The following MRPS18B variants were observed in gnomAD, a reference collection of about 807,000 sequenced individuals.
The protein encoded by MRPS18B is small ribosomal subunit protein mS40.
MRPS18B carries 27 observed loss-of-function variants against 28.4 expected under a neutral mutation model. The ratio of observed to expected loss-of-function variants is 0.95; its 90% confidence interval spans 0.70 to 1.31. The LOEUF (loss-of-function observed/expected upper bound fraction) is 1.31. Ranked by LOEUF, MRPS18B falls within the 40% of genes most tolerant of loss-of-function variation. The probability of loss-of-function intolerance (pLI) is 0.00; values close to 1 mark genes in which losing one functional copy is unlikely to be tolerated. For missense variants in MRPS18B, 343 were observed against 335.9 expected (o/e 1.02, Z -0.17); for synonymous variants, 118 against 123.7 (o/e 0.95, Z 0.30).
chr6:30,622,993 C>A, intron 5 of MRPS18B, 95 bp downstream of exon 5: 1 of 1,249,542 alleles, frequency 8.0e-7, no homozygotes, highest in Non-Finnish European at 1.2e-6. Flanking sequence ...GTGGCTCCTG[C>A]TTATAGCCTA....
In MRPS18B at chr6:30,625,916, C is replaced by A; in HGVS notation, c.*119C>A. 1 of 1,123,102 alleles carries A rather than the reference C, an allele frequency of 8.9e-7. No individual in the cohort carries two copies. Among genetic ancestry groups the A allele is most frequent in the Non-Finnish European group, 1.3e-6 (1 of 790,232 alleles). The allele number at this position is 1,123,102 out of a possible 1,614,324, so 69.6% of individuals were successfully genotyped here. A position where few individuals can be genotyped will look rare whatever the true frequency, so the allele number is the denominator to read the frequency against. Reference sequence around the variant, plus strand: ...AGGAGTTTGAGACCAGCCTGGGCACCATGGTGAAACCTCGTCTTTACCAAA... The same window carrying A: ...AGGAGTTTGAGACCAGCCTGGGCACAATGGTGAAACCTCGTCTTTACCAAA... On this transcript the variant is annotated 3_prime_UTR_variant, in exon 7 of 7. Coordinates refer to ENST00000259873, the MANE Select transcript of MRPS18B (RefSeq NM_014046.4).
chr6:30,623,514 T>C (rs1294439838), intron 5 of MRPS18B, among the ~76,000 whole-genome samples: 1 of 152,210 alleles, frequency 6.6e-6, no homozygotes, highest in Non-Finnish European at 1.5e-5. Context: ...GATTAGATTT[T>C]CCAAACTTGG....
At position 30,624,951 on chromosome 6, in the gene MRPS18B, G is replaced by C. The variant is rs926472133; in HGVS notation, c.481+9G>C. The C allele has an allele frequency of 3.1e-6, 5 of 1,612,998 alleles. No homozygotes were observed. The highest frequency in any genetic ancestry group is 4.2e-6 in the Non-Finnish European group (5 of 1,179,928). ...GAAAGCCAGGGATCATGGTGAGCAT[G>C]AGACGGGGCACACAGCAGTTTTGTT... On this transcript the variant is annotated intron_variant, in intron 6 of 6. Transcript: ENST00000259873.
At chr6:30,625,352 T>G (rs1042292776) in intron 6 of MRPS18B, 150 bp from the exon 7 acceptor site, 1 of 814,968 alleles carries the variant, frequency 1.2e-6, no homozygotes, top group Admixed American at 2.4e-5. Flanking sequence ...ACACTTGCCC[T>G]CTGGGCCGGT....
chr6:30,618,542 A>C (rs778961119), intron 1 of MRPS18B: 1 of 152,876 alleles, frequency 6.5e-6, no homozygotes, highest in Non-Finnish European at 1.5e-5. Flanking sequence ...GTTTCCCTCC[A>C]GTCTTGTGTA....
At chr6:30,620,081 G>C (rs1040882047) in intron 4 of MRPS18B, 92 bp downstream of exon 4, 9 of 1,210,866 alleles carry the variant, frequency 7.4e-6, no homozygotes, top group Non-Finnish European at 1.1e-5. Flanking sequence ...ACTTTGGGAG[G>C]CCAAGGCAGG....
chr6:30,620,575 GTT>G (rs879897757), intron 4 of MRPS18B, among the ~76,000 whole-genome samples: 1 of 144,400 alleles, frequency 6.9e-6, no homozygotes, highest in Non-Finnish European at 1.5e-5. Context: ...AGAAATGGCT[GTT>G]TTTTTTTTTT....
intron 4 of MRPS18B, among the ~76,000 whole-genome samples, chr6:30,620,324 A>T (rs1020468049): frequency 5.3e-5 from 8 of 151,832 alleles, no homozygotes; most frequent in African/African-American, 1.7e-4. Flanking sequence ...CTCAAAAAAA[A>T]AATAAAATAA....
chr6:30,619,532 G>T lies in MRPS18B; in HGVS notation c.118G>T (p.Glu40Ter). The change falls in exon 2 of 7, where the codon GAA becomes TAA. Residue 40 changes from glutamate to a stop codon, truncating the protein, a stop_gained. Transcript: ENST00000259873. LOFTEE classifies it high-confidence loss of function. ...TCTTTGCACCAAAGCTCCCTCTGAG[G>T]AAGATTCTTTGTCCTCAGTTCCCAT... The part of the protein sequence containing the change: ...QTLCTKAPSE[E>*]DSLSSVPISP... The T allele has an allele frequency of 6.2e-7, 1 of 1,612,990 alleles. No homozygotes were observed. The highest frequency in any genetic ancestry group is 1.1e-5 in the South Asian group (1 of 91,086).
chr6:30,619,126 C>A (rs1192596566), intron 1 of MRPS18B, among the ~76,000 whole-genome samples: 2 of 152,186 alleles, frequency 1.3e-5, no homozygotes, highest in Non-Finnish European at 2.9e-5. Flanking sequence ...CCATGTTGGC[C>A]AGGATGGTCT....
intron 4 of MRPS18B, among the ~76,000 whole-genome samples, chr6:30,621,398 C>T (rs1247198301): frequency 6.6e-6 from 1 of 151,746 alleles, no homozygotes; most frequent in Non-Finnish European, 1.5e-5. Context: ...TGAAACTCCT[C>T]AAAGAAAAAC....
At chr6:30,622,956 T>C in intron 5 of MRPS18B, 58 bp downstream of exon 5, 1 of 1,552,076 alleles carries the variant, frequency 6.4e-7, no homozygotes, top group Non-Finnish European at 8.9e-7. Flanking sequence ...GCCTTGTTTA[T>C]GTAGTTGGCC....
At chr6:30,625,275 C>G (rs1295264584) in intron 6 of MRPS18B, among the ~76,000 whole-genome samples, 1 of 152,198 alleles carries the variant, frequency 6.6e-6, no homozygotes, top group Non-Finnish European at 1.5e-5. Flanking sequence ...AGGGCAGATG[C>G]AGCTTCATAG....
At chr6:30,623,223 G>T (rs1761279810) in intron 5 of MRPS18B, among the ~76,000 whole-genome samples, 1 of 151,988 alleles carries the variant, frequency 6.6e-6, no homozygotes, top group Non-Finnish European at 1.5e-5. Context: ...TGTAATCCCA[G>T]CTACTCAGGA....
intron 3 of MRPS18B, 48 bp from the exon 4 acceptor site, chr6:30,619,873 T>G (rs746058901): frequency 1.2e-6 from 2 of 1,611,526 alleles, no homozygotes; most frequent in South Asian, 2.2e-5. Flanking sequence ...CAGCACTTTT[T>G]CTGACGTGTT....
rs774182614 is a variant in MRPS18B at position 30,624,865 on chromosome 6, A to G, written c.422-18A>G. 1.1e-5 allele frequency: 17 copies of G among 1,612,158 alleles called. No individual in the cohort carries two copies. The highest frequency in any genetic ancestry group is 1.6e-4 in the Middle Eastern group (1 of 6,080). On this transcript the variant is annotated intron_variant, in intron 5 of 6. Coordinates refer to ENST00000259873, the MANE Select transcript of MRPS18B (RefSeq NM_014046.4). Reference sequence around the variant, plus strand: ...TATTTACTGTGCCTTAAAGAACAAGATATTTTTCTCCCCACAGGAGTCTGT... The same window carrying G: ...TATTTACTGTGCCTTAAAGAACAAGGTATTTTTCTCCCCACAGGAGTCTGT...
At position 30,620,289 on chromosome 6, in the gene MRPS18B, C is replaced by T. The variant is rs1582702759; in HGVS notation, c.354+300C>T. Reference sequence around the variant, plus strand: ...CTGAGATCGCATCACCGCACTCTAGCCTGGGCGACAGAGTGAGACTCCGTC... The same window carrying T: ...CTGAGATCGCATCACCGCACTCTAGTCTGGGCGACAGAGTGAGACTCCGTC... On this transcript the variant is annotated intron_variant, in intron 4 of 6. Transcript: ENST00000259873. 2.0e-5 allele frequency among the ~76,000 whole-genome samples: 3 copies of T among 151,614 alleles called. No individual in the cohort carries two copies. The South Asian group carries it at 6.3e-4, about 32-fold the overall frequency.
rs1761540853 is a variant in MRPS18B at position 30,625,849 on chromosome 6, C to G, written c.*52C>G. 1 of 1,539,816 alleles carries G rather than the reference C, an allele frequency of 6.5e-7. No homozygotes were observed. The highest frequency in any genetic ancestry group is 8.8e-7 in the Non-Finnish European group (1 of 1,134,364). On this transcript the variant is annotated 3_prime_UTR_variant, in exon 7 of 7. Transcript: ENST00000259873. The stretch of plus-strand genomic sequence containing the variant: ...GGCGTGGTGGCTCACTCCTGTAATC[C>G]CAGCACTTTGGGAAGCCAAGGTGGG...
At chr6:30,618,909 T>C (rs1241536620) in intron 1 of MRPS18B, among the ~76,000 whole-genome samples, 2 of 151,860 alleles carry the variant, frequency 1.3e-5, no homozygotes, top group East Asian at 1.9e-4. Context: ...ATACCTTTTA[T>C]GTACTAGATT....
Sources: gnomAD v4.1 joint callset for allele counts (sites outside exome capture counted in the v4.1 genomes callset) on GRCh38, gnomAD v4.1.1 for gene constraint, MANE v1.5 for transcripts, NCBI Gene and HGNC (gene_info 2026-07-23, HGNC 2026-07-21) for gene names.